Variants in IL23R observed in about 807,000 individuals in gnomAD.
IL23R encodes interleukin 23 receptor, also known as interleukin-23 receptor.
In IL23R, 34 loss-of-function variants were observed where a neutral mutation model predicts 56.9. That is an observed-to-expected ratio of 0.60 (90% CI 0.45 to 0.80). IL23R has a LOEUF of 0.80. Ranked by LOEUF, IL23R falls within the 30% of genes least tolerant of loss-of-function variation. The pLI, the probability that IL23R is intolerant of heterozygous loss-of-function variation, is 0.00. For missense variants in IL23R, 635 were observed against 730.0 expected, an observed-to-expected ratio of 0.87 and a Z score of 1.50; for synonymous variants, 230 against 249.2, an observed-to-expected ratio of 0.92 and a Z score of 0.73.
chr1:67,230,838 C>T (rs1215524839), intron 7 of IL23R, among the ~76,000 whole-genome samples: 1 of 152,172 alleles, frequency 6.6e-6, no homozygotes, highest in Non-Finnish European at 1.5e-5. Flanking sequence ...TGCTAATTGA[C>T]ATACTCAACT....
At chr1:67,224,897 A>G (rs1160890167) in intron 7 of IL23R, among the ~76,000 whole-genome samples, 1 of 152,148 alleles carries the variant, frequency 6.6e-6, no homozygotes, top group Non-Finnish European at 1.5e-5. Flanking sequence ...TTACATATGA[A>G]TTGTTCTTTA....
rs116462328 is a variant in IL23R at position 67,192,667 on chromosome 1, G to C, written c.492-8070G>C. Among the ~76,000 whole-genome samples the C allele has an allele frequency of 3.1e-3, 475 of 152,250 alleles. 5 individuals carry two copies. The highest frequency in any genetic ancestry group is 0.011 in the African/African-American group (458 of 41,550). ...TTTTCCATTTCAGTAAATGGCAACT[G>C]TATCCTTTGCATTATTCAGGTCAAA... On this transcript the variant is annotated intron_variant, in intron 4 of 10. Coordinates refer to ENST00000347310, the MANE Select transcript of IL23R (RefSeq NM_144701.3).
upstream of IL23R, among the ~76,000 whole-genome samples, chr1:67,165,895 T>C (rs1212626377): frequency 6.6e-6 from 1 of 152,220 alleles, no homozygotes; most frequent in Admixed American, 6.5e-5. Flanking sequence ...TGATATACAG[T>C]ATGGTGACCA....
At chr1:67,232,279 A>G (rs1319694424) in intron 7 of IL23R, among the ~76,000 whole-genome samples, 1 of 152,226 alleles carries the variant, frequency 6.6e-6, no homozygotes, top group Non-Finnish European at 1.5e-5. Context: ...TAGAAGATTT[A>G]AAGCATCAGT....
chr1:67,146,204 C>T (rs972040429), intron 1 of IL23R, among the ~76,000 whole-genome samples: 1 of 152,212 alleles, frequency 6.6e-6, no homozygotes, highest in African/African-American at 2.4e-5. Flanking sequence ...CAATTCCTCT[C>T]CTACTGTGGG....
chr1:67,148,334 T>C (rs968912934), intron 1 of IL23R, among the ~76,000 whole-genome samples: 1 of 152,008 alleles, frequency 6.6e-6, no homozygotes, highest in Non-Finnish European at 1.5e-5. Context: ...AAAACAGAGC[T>C]CCCATAGAAG....
At chr1:67,184,117 C>T (rs1647208551) in intron 4 of IL23R, among the ~76,000 whole-genome samples, 1 of 151,740 alleles carries the variant, frequency 6.6e-6, no homozygotes, top group Non-Finnish European at 1.5e-5. Flanking sequence ...GCCTGTAATC[C>T]CAGCTACTCA....
chr1:67,255,414 C>A (rs11465817), intron 9 of IL23R, among the ~76,000 whole-genome samples: 36,135 of 151,996 alleles, frequency 0.24, 5,449 homozygotes, highest in East Asian at 0.56. Flanking sequence ...AAAACTTTAG[C>A]CTCGGCATCA....
At chr1:67,253,911 G>C (rs1173401324) in intron 9 of IL23R, among the ~76,000 whole-genome samples, 1 of 152,006 alleles carries the variant, frequency 6.6e-6, no homozygotes, top group Non-Finnish European at 1.5e-5. Context: ...ATTTAAATAA[G>C]TACTCTTTTT....
At chr1:67,189,837 G>C (rs1647614719) in intron 4 of IL23R, among the ~76,000 whole-genome samples, 2 of 151,998 alleles carry the variant, frequency 1.3e-5, no homozygotes, top group South Asian at 4.2e-4. Context: ...CGGGTGCCTG[G>C]AGTCCAAGCT....
chr1:67,164,364 G>A (rs113344590), upstream of IL23R, among the ~76,000 whole-genome samples: 3,417 of 152,216 alleles, frequency 0.022, 122 homozygotes, highest in African/African-American at 0.078. Flanking sequence ...CGGGTGAGGC[G>A]TCTCACGCCT....
At chr1:67,223,024 C>T (rs1279146327) in intron 7 of IL23R, among the ~76,000 whole-genome samples, 1 of 152,112 alleles carries the variant, frequency 6.6e-6, no homozygotes, top group Admixed American at 6.6e-5. Flanking sequence ...GAGGCCAAGG[C>T]GAGTGGATCA....
intron 3 of IL23R, among the ~76,000 whole-genome samples, chr1:67,170,291 C>T (rs924148631): frequency 3.9e-5 from 6 of 152,144 alleles, no homozygotes; most frequent in African/African-American, 1.2e-4. Context: ...TACATCAGTA[C>T]CCAAATCCTT....
At chr1:67,222,269 A>C (rs1037840164) in intron 7 of IL23R, among the ~76,000 whole-genome samples, 1 of 151,086 alleles carries the variant, frequency 6.6e-6, no homozygotes, top group Admixed American at 6.6e-5. Flanking sequence ...GGCACCCACC[A>C]CTATGCCTGG....
chr1:67,208,280 G>GT (rs1403979274), intron 6 of IL23R, among the ~76,000 whole-genome samples: 1 of 152,222 alleles, frequency 6.6e-6, no homozygotes, highest in African/African-American at 2.4e-5. Flanking sequence ...TTCTGGGGGG[G>GT]AGAAATTCAA....
chr1:67,212,289 C>G (rs1649530958), intron 6 of IL23R, among the ~76,000 whole-genome samples: 1 of 152,212 alleles, frequency 6.6e-6, no homozygotes, highest in East Asian at 1.9e-4. Context: ...TTGCTACTGT[C>G]AATTTCATCT....
intron 5 of IL23R, among the ~76,000 whole-genome samples, chr1:67,205,425 G>T (rs959643077): frequency 3.3e-5 from 5 of 152,152 alleles, no homozygotes; most frequent in Non-Finnish European, 7.4e-5. Flanking sequence ...TGTAATAGTG[G>T]TCTCTAAAAC....
At chr1:67,251,384 G>A (rs1369456904) in intron 9 of IL23R, among the ~76,000 whole-genome samples, 1 of 151,316 alleles carries the variant, frequency 6.6e-6, no homozygotes, top group Non-Finnish European at 1.5e-5. Context: ...CCCAGGAGGT[G>A]GAGCTTGCAG....
intron 9 of IL23R, among the ~76,000 whole-genome samples, chr1:67,255,262 GT>G (rs572164249): frequency 4.6e-5 from 7 of 152,030 alleles, no homozygotes; most frequent in Non-Finnish European, 8.8e-5. Flanking sequence ...TGCTAGGGTG[GT>G]TCTCCCACTT....
Sources: gnomAD v4.1 joint callset for allele counts (sites outside exome capture counted in the v4.1 genomes callset) on GRCh38, gnomAD v4.1.1 for gene constraint, MANE v1.5 for transcripts, NCBI Gene and HGNC (gene_info 2026-07-23, HGNC 2026-07-21) for gene names.